Variants in FBXO11 observed in about 807,000 individuals in gnomAD.
FBXO11 encodes the protein F-box protein 11, also known as F-box only protein 11.
A neutral mutation model predicts 117.0 loss-of-function variants in FBXO11; 13 were observed. The observed-to-expected ratio is 0.11, with a 90% CI of 0.07 to 0.18. FBXO11 has a LOEUF of 0.18. Ranked by LOEUF, FBXO11 falls within the 10% of genes least tolerant of loss-of-function variation. FBXO11 has a pLI of 1.00. For synonymous variants in FBXO11, 490 were observed against 380.5 expected, an observed-to-expected ratio of 1.29 and a Z score of -3.35; for missense variants, 767 against 1,164.4, an observed-to-expected ratio of 0.66 and a Z score of 4.97.
chr2:47,864,660 TTA>T, intron 1 of FBXO11, among the ~76,000 whole-genome samples: 1 of 152,246 alleles, frequency 6.6e-6, no homozygotes, highest in South Asian at 2.1e-4. Context: ...AATAAATTAT[TTA>T]TGTTATAAAC....
intron 1 of FBXO11, among the ~76,000 whole-genome samples, chr2:47,899,380 T>C (rs908397216): frequency 2.6e-5 from 4 of 152,196 alleles, no homozygotes; most frequent in African/African-American, 9.6e-5. Flanking sequence ...TTTAATTTTA[T>C]ATACAGCTGA....
chr2:47,831,584 G>A (rs1672198363), intron 11 of FBXO11, among the ~76,000 whole-genome samples: 1 of 151,608 alleles, frequency 6.6e-6, no homozygotes, highest in Non-Finnish European at 1.5e-5. Flanking sequence ...TCCCATCTTG[G>A]ACTCCGCAAC....
intron 18 of FBXO11, chr2:47,810,881 A>G (rs1468799153): frequency 1.3e-5 from 2 of 152,662 alleles, no homozygotes; most frequent in Admixed American, 6.5e-5. Flanking sequence ...CATCTGCTGC[A>G]TAGTTTCCAA....
At chr2:47,815,423 A>C (rs1336358638) in intron 16 of FBXO11, among the ~76,000 whole-genome samples, 2 of 152,174 alleles carry the variant, frequency 1.3e-5, no homozygotes, top group East Asian at 3.9e-4. Context: ...GCTTTGAGGA[A>C]AAGGAATTCT....
chr2:47,892,857 G>GTT (rs966629750), intron 1 of FBXO11, among the ~76,000 whole-genome samples: 1 of 151,024 alleles, frequency 6.6e-6, no homozygotes, highest in African/African-American at 2.4e-5. Context: ...TTATCTAGGC[G>GTT]TTTTTTTTTA....
At chr2:47,830,522 G>T (rs1672098462) in intron 11 of FBXO11, among the ~76,000 whole-genome samples, 1 of 152,078 alleles carries the variant, frequency 6.6e-6, no homozygotes, top group South Asian at 2.1e-4. Flanking sequence ...ATAACTGTAG[G>T]AATGCAAATA....
At chr2:47,836,625 T>A (rs1672579790) in intron 4 of FBXO11, among the ~76,000 whole-genome samples, 2 of 149,436 alleles carry the variant, frequency 1.3e-5, no homozygotes, top group Non-Finnish European at 3.0e-5. Context: ...CGAAAATTAG[T>A]TTTCCTGCAA....
At position 47,832,518 on chromosome 2, in the gene FBXO11, A is replaced by G. The variant is rs1572805801; in HGVS notation, c.1261-32T>C. 16 of 1,610,012 alleles carry G rather than the reference A, an allele frequency of 9.9e-6. No homozygotes were observed. The East Asian group carries it at 1.6e-4, about 16-fold the overall frequency. On this transcript the variant is annotated intron_variant, in intron 10 of 22. Transcript: ENST00000403359. Reference sequence around the variant, plus strand: ...CAAGTTATCAGAAACAAACATCAGTAGAGCTTTTAAACATTTTCTAAAAAG... The same window carrying G: ...CAAGTTATCAGAAACAAACATCAGTGGAGCTTTTAAACATTTTCTAAAAAG...
chr2:47,849,143 T>C (rs1673646484), intron 1 of FBXO11, among the ~76,000 whole-genome samples: 1 of 147,250 alleles, frequency 6.8e-6, no homozygotes, highest in African/African-American at 2.5e-5. Context: ...TACCACAGCT[T>C]TTCTCTAACT....
At chr2:47,833,686 T>C (rs1672343675) in intron 7 of FBXO11, among the ~76,000 whole-genome samples, 1 of 152,250 alleles carries the variant, frequency 6.6e-6, no homozygotes, top group Admixed American at 6.5e-5. Flanking sequence ...TAAATAGCTT[T>C]GAAATAGTAC....
intron 13 of FBXO11, among the ~76,000 whole-genome samples, chr2:47,822,000 G>A (rs920060897): frequency 2.6e-5 from 4 of 152,102 alleles, no homozygotes; most frequent in Non-Finnish European, 4.4e-5. Context: ...GAGGAAGATC[G>A]CTTTGAGCCC....
chr2:47,813,114 A>G (rs182745545), intron 18 of FBXO11, 120 bp downstream of exon 18: 17,789 of 1,037,310 alleles, frequency 0.017, 403 homozygotes, highest in Non-Finnish European at 0.016. Context: ...TCAACTTGAT[A>G]AGGAAAAAGA....
At position 47,905,832 on chromosome 2, in the gene FBXO11, A is replaced by C; in HGVS notation, c.-112T>G. The C allele has an allele frequency of 3.3e-5, 1 of 30,454 alleles. No individual in the cohort carries two copies. The highest frequency in any genetic ancestry group is 6.2e-5 in the Non-Finnish European group (1 of 16,252). 1.9% of individuals were successfully genotyped at this position (30,454 alleles called of 1,614,324 possible). ...GAGTGGGAGAGGGGGGAGGAAGGAGAGGGGGCGAGGGGAAGGGGAGACGCT... is the reference window on the plus strand; with the variant it reads ...GAGTGGGAGAGGGGGGAGGAAGGAGCGGGGGCGAGGGGAAGGGGAGACGCT... On this transcript the variant is annotated 5_prime_UTR_variant, in exon 1 of 23. Transcript: ENST00000403359.
At chr2:47,813,966 T>G (rs1670820050) in intron 16 of FBXO11, 99 bp from the exon 17 acceptor site, 1 of 884,022 alleles carries the variant, frequency 1.1e-6, no homozygotes, top group African/African-American at 1.7e-5. Flanking sequence ...ATAAGTCACT[T>G]AGTAAGAATT....
chr2:47,819,943 TG>T (rs1213347019), intron 14 of FBXO11, among the ~76,000 whole-genome samples: 1 of 152,204 alleles, frequency 6.6e-6, no homozygotes, highest in Admixed American at 6.5e-5. Flanking sequence ...TTCAAAATTT[TG>T]AAAGTTATTA....
chr2:47,902,794 T>C (rs1304647863), intron 1 of FBXO11, among the ~76,000 whole-genome samples: 1 of 152,128 alleles, frequency 6.6e-6, no homozygotes, highest in African/African-American at 2.4e-5. Flanking sequence ...TCTGAACTAG[T>C]TTGTCTCAAA....
intron 1 of FBXO11, among the ~76,000 whole-genome samples, chr2:47,866,256 A>AC (rs1385199231): frequency 1.3e-5 from 2 of 151,748 alleles, no homozygotes; most frequent in African/African-American, 4.8e-5. Context: ...AAAAAAAAAA[A>AC]AAAAAAAAAA....
intron 1 of FBXO11, among the ~76,000 whole-genome samples, chr2:47,842,451 G>C (rs534843535): frequency 1.3e-5 from 2 of 152,242 alleles, no homozygotes; most frequent in East Asian, 3.9e-4. Context: ...GTTTTATGTA[G>C]GTTTCTCTAC....
chr2:47,851,068 A>C (rs1673820199), intron 1 of FBXO11, among the ~76,000 whole-genome samples: 1 of 152,194 alleles, frequency 6.6e-6, no homozygotes, highest in Admixed American at 6.5e-5. Flanking sequence ...TGTAATTCAA[A>C]AGTAGTGTTT....
Sources: gnomAD v4.1 joint callset for allele counts (sites outside exome capture counted in the v4.1 genomes callset) on GRCh38, gnomAD v4.1.1 for gene constraint, MANE v1.5 for transcripts, NCBI Gene and HGNC (gene_info 2026-07-23, HGNC 2026-07-21) for gene names.